The following CNTLN variants were observed in gnomAD, a reference collection of about 807,000 sequenced individuals.
The protein encoded by CNTLN is centlein, centrosomal protein.
In CNTLN, 212 loss-of-function variants were observed where a neutral mutation model predicts 180.0. The ratio of observed to expected loss-of-function variants is 1.18; its 90% CI spans 1.05 to 1.32. CNTLN has a LOEUF of 1.32. Ranked by LOEUF, CNTLN falls within the 40% of genes most tolerant of loss-of-function variation. CNTLN has a pLI of 0.00. For missense variants in CNTLN, 2,095 were observed against 1,610.9 expected (o/e 1.30, Z -5.14); for synonymous variants, 722 against 563.1 (o/e 1.28, Z -3.99).
At chr9:17,141,135 C>T (rs900607483) in intron 1 of CNTLN, among the ~76,000 whole-genome samples, 1 of 152,088 alleles carries the variant, frequency 6.6e-6, no homozygotes, top group Non-Finnish European at 1.5e-5. Context: ...TCATATAACC[C>T]ATAAGGCAAG....
intron 5 of CNTLN, among the ~76,000 whole-genome samples, chr9:17,245,380 A>C (rs1004483017): frequency 6.7e-6 from 1 of 149,792 alleles, no homozygotes; most frequent in Non-Finnish European, 1.5e-5. Flanking sequence ...CCTGGCCTGT[A>C]AAGTTTCCAC....
At chr9:17,336,830 A>G (rs994027485) in intron 10 of CNTLN, among the ~76,000 whole-genome samples, 1 of 152,116 alleles carries the variant, frequency 6.6e-6, no homozygotes, top group Non-Finnish European at 1.5e-5. Flanking sequence ...TACATTAGGT[A>G]TTTCTCTAAA....
intron 10 of CNTLN, among the ~76,000 whole-genome samples, chr9:17,333,063 T>C (rs1273952860): frequency 6.6e-6 from 1 of 152,140 alleles, no homozygotes; most frequent in Non-Finnish European, 1.5e-5. Context: ...CTTCTTTATA[T>C]ATGATAAACA....
chr9:17,388,899 T>C (rs1307566719), intron 14 of CNTLN, among the ~76,000 whole-genome samples: 1 of 151,968 alleles, frequency 6.6e-6, no homozygotes, highest in Non-Finnish European at 1.5e-5. Flanking sequence ...AATAAATACA[T>C]TGTTATCAAG....
In CNTLN at chr9:17,285,522, T is replaced by G. The variant is rs1254199932; in HGVS notation, c.983+11656T>G. 5.8e-5 allele frequency among the ~76,000 whole-genome samples: 8 copies of G among 137,968 alleles called. 1 individual carries two copies. Among genetic ancestry groups the G allele is most frequent in the Admixed American group, 2.9e-4 (4 of 13,848 alleles). The allele number at this position is 137,968 out of a possible 152,430, so 90.5% of individuals were successfully genotyped here. Reference sequence around the variant, plus strand: ...TATAGTTCTTTGGGTATATACCAAGTAATGGGATGGCTGGGTCAAATGGTA... The same window carrying G: ...TATAGTTCTTTGGGTATATACCAAGGAATGGGATGGCTGGGTCAAATGGTA... On this transcript the variant is annotated intron_variant, in intron 6 of 25. Coordinates refer to ENST00000380647, the MANE Select transcript of CNTLN (RefSeq NM_017738.4).
chr9:17,267,936 G>C (rs1190884619), intron 5 of CNTLN, among the ~76,000 whole-genome samples: 2 of 151,926 alleles, frequency 1.3e-5, no homozygotes, highest in Non-Finnish European at 2.9e-5. Flanking sequence ...TTATCCATTC[G>C]TCTAATTTTT....
At chr9:17,378,396 G>A (rs764833868) in intron 13 of CNTLN, among the ~76,000 whole-genome samples, 2 of 152,062 alleles carry the variant, frequency 1.3e-5, no homozygotes, top group East Asian at 3.9e-4. Context: ...GGCCAGGATG[G>A]TCTCGATCTC....
intron 2 of CNTLN, among the ~76,000 whole-genome samples, chr9:17,180,471 T>G (rs1821056882): frequency 6.6e-6 from 1 of 151,254 alleles, no homozygotes; most frequent in Non-Finnish European, 1.5e-5. Flanking sequence ...TTCCTTTTCT[T>G]TCCCCTATAT....
intron 2 of CNTLN, among the ~76,000 whole-genome samples, chr9:17,207,803 C>G (rs1163198858): frequency 1.3e-5 from 2 of 152,126 alleles, no homozygotes; most frequent in Non-Finnish European, 2.9e-5. Flanking sequence ...TTTCCCCTCC[C>G]TTGTATGCTG....
chr9:17,354,825 A>C (rs770326999), intron 12 of CNTLN, among the ~76,000 whole-genome samples: 13 of 152,206 alleles, frequency 8.5e-5, no homozygotes, highest in Middle Eastern at 3.4e-3. Flanking sequence ...CGCTCTTTGC[A>C]ATAAATCTTG....
intron 12 of CNTLN, among the ~76,000 whole-genome samples, chr9:17,364,252 A>G (rs1270395731): frequency 1.3e-5 from 2 of 152,106 alleles, no homozygotes; most frequent in African/African-American, 2.4e-5. Flanking sequence ...AATAATTTCT[A>G]TTAAATGCTT....
chr9:17,258,487 T>C (rs1249459314), intron 5 of CNTLN, among the ~76,000 whole-genome samples: 3 of 151,386 alleles, frequency 2.0e-5, no homozygotes, highest in Admixed American at 6.6e-5. Flanking sequence ...ATATGAACTT[T>C]AAAGTAGTTT....
intron 2 of CNTLN, among the ~76,000 whole-genome samples, chr9:17,152,725 C>A (rs921149626): frequency 2.0e-5 from 3 of 152,148 alleles, no homozygotes. Flanking sequence ...TGTTAATTTT[C>A]TGTTTCATTG....
the CNTLN span, among the ~76,000 whole-genome samples, chr9:17,514,157 A>AG: frequency 0.069 from 10,426 of 151,122 alleles, 1,259 homozygotes; most frequent in African/African-American, 0.24. Flanking sequence ...ATAGGTTAAA[A>AG]AAAAAAACTG....
At chr9:17,317,899 G>A (rs1428867607) in intron 8 of CNTLN, among the ~76,000 whole-genome samples, 4 of 152,052 alleles carry the variant, frequency 2.6e-5, no homozygotes, top group African/African-American at 9.7e-5. Context: ...GTTACTATAA[G>A]GATATAGATT....
At chr9:17,522,087 T>G in the CNTLN span, among the ~76,000 whole-genome samples, 1 of 152,154 alleles carries the variant, frequency 6.6e-6, no homozygotes, top group Non-Finnish European at 1.5e-5. Context: ...TGCTATACTT[T>G]GCTATGATAG....
downstream of CNTLN, among the ~76,000 whole-genome samples, chr9:17,507,173 A>G (rs971357628): frequency 3.9e-5 from 6 of 151,916 alleles, no homozygotes; most frequent in Non-Finnish European, 8.8e-5. Flanking sequence ...CCCAGTGCTT[A>G]TTGTTTCCAT....
intron 19 of CNTLN, among the ~76,000 whole-genome samples, chr9:17,459,950 C>T (rs181700257): frequency 6.6e-6 from 1 of 151,754 alleles, no homozygotes; most frequent in East Asian, 1.9e-4. Flanking sequence ...CAGAATTTAG[C>T]ACATAACAGA....
chr9:17,514,228 T>G, the CNTLN span, among the ~76,000 whole-genome samples: 1 of 151,768 alleles, frequency 6.6e-6, no homozygotes, highest in African/African-American at 2.4e-5. Context: ...GAGGATCGCT[T>G]GAGTCTGGGG....
Sources: gnomAD v4.1 joint callset for allele counts (sites outside exome capture counted in the v4.1 genomes callset) on GRCh38, gnomAD v4.1.1 for gene constraint, MANE v1.5 for transcripts, NCBI Gene and HGNC (gene_info 2026-07-23, HGNC 2026-07-21) for gene names.